RNF17: variants seen among roughly 807,000 people sequenced by gnomAD.
RNF17 encodes spermatogenesis associated 23.
A neutral mutation model predicts 200.5 loss-of-function variants in RNF17; 31 were observed. That is an observed-to-expected ratio of 0.15 (90% CI 0.12 to 0.21). The LOEUF (loss-of-function observed/expected upper bound fraction) is 0.21, where lower values mean the gene tolerates loss of function less well. Ranked by LOEUF, RNF17 falls within the 10% of genes least tolerant of loss-of-function variation. RNF17 has a pLI of 1.00. For synonymous variants in RNF17, 606 were observed against 637.8 expected (o/e 0.95, Z 0.75); for missense variants, 1,628 against 1,905.1 (o/e 0.85, Z 2.71).
downstream of RNF17, chr13:24,884,027 T>A: frequency 6.2e-7 from 1 of 1,614,098 alleles, no homozygotes; most frequent in Non-Finnish European, 8.5e-7. Context: ...GGAAATAAGT[T>A]TTTAACAGTC....
intron 3 of RNF17, 133 bp downstream of exon 3, chr13:24,775,037 T>C: frequency 1.7e-6 from 1 of 578,828 alleles, no homozygotes; most frequent in Non-Finnish European, 3.0e-6. Flanking sequence ...TTTAAGTTCA[T>C]ACTTCATCTT....
intron 33 of RNF17, among the ~76,000 whole-genome samples, chr13:24,875,855 T>C (rs1894802634): frequency 6.6e-6 from 1 of 152,212 alleles, no homozygotes; most frequent in Non-Finnish European, 1.5e-5. Context: ...AACATCTTCT[T>C]CTTTTGAGTG....
intron 1 of RNF17, among the ~76,000 whole-genome samples, chr13:24,766,560 C>T (rs1408077647): frequency 6.6e-6 from 1 of 152,188 alleles, no homozygotes; most frequent in Non-Finnish European, 1.5e-5. Flanking sequence ...TCTAACAGCA[C>T]GGTCTTGCCA....
At chr13:24,779,886 CT>C (rs1385543986) in intron 5 of RNF17, 139 bp downstream of exon 5, 1 of 573,014 alleles carries the variant, frequency 1.7e-6, no homozygotes, top group African/African-American at 1.9e-5. Flanking sequence ...GAATGGAAAA[CT>C]TTTCCCATAG....
chr13:24,772,905 C>T (rs1224348388), intron 2 of RNF17, among the ~76,000 whole-genome samples: 1 of 152,128 alleles, frequency 6.6e-6, no homozygotes, highest in Non-Finnish European at 1.5e-5. Flanking sequence ...GCCACCGCCC[C>T]TGGTCGTGAA....
chr13:24,793,403 T>C (rs1008814480), intron 10 of RNF17, 57 bp downstream of exon 10: 44 of 1,453,058 alleles, frequency 3.0e-5, no homozygotes, highest in Non-Finnish European at 4.0e-5. Context: ...TTAGACACAG[T>C]TGGTACCTTT....
chr13:24,874,633 A>G (rs1894667326), intron 33 of RNF17, among the ~76,000 whole-genome samples: 2 of 152,042 alleles, frequency 1.3e-5, no homozygotes, highest in African/African-American at 4.8e-5. Flanking sequence ...GCTAGTCTCA[A>G]ACTCCTGACC....
intron 10 of RNF17, chr13:24,794,155 C>T (rs1214281317): frequency 2.2e-6 from 1 of 447,148 alleles, no homozygotes; most frequent in Non-Finnish European, 4.5e-6. Context: ...TTTGATGAAG[C>T]ATGCGGCACA....
chr13:24,885,928 C>T, the RNF17 span: 5 of 497,870 alleles, frequency 1.0e-5, no homozygotes, highest in Non-Finnish European at 1.8e-5. Context: ...GCCTGACAGA[C>T]CCAAATGTAT....
chr13:24,849,830 T>G (rs1566221121), intron 22 of RNF17, among the ~76,000 whole-genome samples: 1 of 152,226 alleles, frequency 6.6e-6, no homozygotes, highest in Admixed American at 6.5e-5. Flanking sequence ...TCAAGTTAGA[T>G]TTGAAATCCA....
intron 5 of RNF17, among the ~76,000 whole-genome samples, chr13:24,780,379 G>A (rs1279950664): frequency 6.6e-6 from 1 of 152,184 alleles, no homozygotes; most frequent in Non-Finnish European, 1.5e-5. Flanking sequence ...CTTAGTACCA[G>A]ATATAGTGGA....
At chr13:24,801,472 G>A (rs563050092) in intron 13 of RNF17, among the ~76,000 whole-genome samples, 1 of 152,224 alleles carries the variant, frequency 6.6e-6, no homozygotes, top group South Asian at 2.1e-4. Flanking sequence ...GTGAGACCCT[G>A]TCTACCAAAA....
intron 15 of RNF17, among the ~76,000 whole-genome samples, chr13:24,807,136 T>C (rs1026224855): frequency 6.6e-6 from 1 of 151,984 alleles, no homozygotes; most frequent in African/African-American, 2.4e-5. Context: ...TATAGCAGCA[T>C]GATTTATAGT....
chr13:24,882,133 G>GATAGATACATCTATATAGATAT (rs1392311379), downstream of RNF17, among the ~76,000 whole-genome samples: 4 of 3,038 alleles, frequency 1.3e-3, 2 homozygotes, highest in African/African-American at 2.3e-3. Context: ...CATCTATATA[G>GATAGATACATCTATATAGATAT]ATAGATACAT....
chr13:24,756,663 C>T, the RNF17 span, among the ~76,000 whole-genome samples: 726 of 152,248 alleles, frequency 4.8e-3, 5 homozygotes, highest in African/African-American at 0.017. Context: ...TTGTGGCATC[C>T]GTTCCCTTTC....
intron 15 of RNF17, among the ~76,000 whole-genome samples, chr13:24,810,631 G>A (rs1356645430): frequency 2.7e-5 from 4 of 146,698 alleles, no homozygotes; most frequent in East Asian, 2.0e-4. Context: ...GGAGCACTTA[G>A]TCCATTTACA....
intron 3 of RNF17, among the ~76,000 whole-genome samples, chr13:24,776,939 G>T (rs1467709683): frequency 6.6e-6 from 1 of 152,168 alleles, no homozygotes; most frequent in African/African-American, 2.4e-5. Context: ...ATGTCTGTTA[G>T]AGTTGCAAAG....
intron 28 of RNF17, among the ~76,000 whole-genome samples, chr13:24,864,366 G>A (rs1423514126): frequency 6.6e-6 from 1 of 152,188 alleles, no homozygotes; most frequent in Non-Finnish European, 1.5e-5. Context: ...CAGTGGAAAT[G>A]AAGAGAATTG....
chr13:24,883,420 TAAAC>T (rs747692004), downstream of RNF17: 118 of 1,415,616 alleles, frequency 8.3e-5, no homozygotes, highest in African/African-American at 9.4e-4. Flanking sequence ...TAATAGAAAA[TAAAC>T]AACAGAAAAA....
Sources: allele counts gnomAD v4.1 joint callset (sites outside exome capture counted in the v4.1 genomes callset), GRCh38; gene constraint gnomAD v4.1.1; transcripts MANE v1.5; gene names NCBI Gene and HGNC (gene_info 2026-07-23, HGNC 2026-07-21).